ADCY5: variants seen among roughly 807,000 people sequenced by gnomAD.
ADCY5 encodes adenylate cyclase type 5.
Under a neutral mutation model 119.7 loss-of-function variants are expected in ADCY5, and 30 were observed. The ratio of observed to expected loss-of-function variants is 0.25; its 90% CI spans 0.19 to 0.34. The LOEUF (loss-of-function observed/expected upper bound fraction) is 0.34. ADCY5 is among the 10% of genes least tolerant of loss of function. ADCY5 has a pLI of 1.00. For missense variants in ADCY5, 1,324 were observed against 1,775.2 expected (o/e 0.75, Z 4.57); for synonymous variants, 753 against 762.2 (o/e 0.99, Z 0.20).
intron 1 of ADCY5, among the ~76,000 whole-genome samples, chr3:123,396,775 A>AGGC (rs1944593763): frequency 7.0e-5 from 5 of 71,056 alleles, no homozygotes; most frequent in African/African-American, 2.1e-4. Context: ...GGAAGGAAGG[A>AGGC]AGGAAGGCAG....
At position 123,300,155 on chromosome 3, in the gene ADCY5, G is replaced by A. The variant is rs201724658; in HGVS notation, c.2865C>T (p.Phe955=). 5.3e-5 allele frequency: 85 copies of A among 1,613,904 alleles called. 1 individual carries two copies. The East Asian group carries it at 9.6e-4, about 18-fold the overall frequency. The change falls in exon 15 of 21, where the codon TTC becomes TTT. Residue 955 remains phenylalanine, a synonymous_variant. Transcript: ENST00000462833. ...LIVEVPGVTL[F]DNADLLVTAN... is the part of the protein sequence containing the mutation. The stretch of plus-strand genomic sequence containing the variant: ...CGGTGACCAGCAGGTCGGCGTTGTC[G>A]AAGAGCGTGACACCTGGCACCTCCA...
chr3:123,284,887 C>T (rs1019964748), intron 20 of ADCY5, 151 bp from the exon 21 acceptor site: 1 of 1,045,336 alleles, frequency 9.6e-7, no homozygotes, highest in Non-Finnish European at 1.4e-6. Context: ...CTCTCAGGGA[C>T]TGACAGACAG....
chr3:123,297,699 A>G (rs982734206), intron 15 of ADCY5, among the ~76,000 whole-genome samples: 1 of 152,176 alleles, frequency 6.6e-6, no homozygotes, highest in Non-Finnish European at 1.5e-5. Flanking sequence ...GCTGCCATCC[A>G]GAGGGCGTGG....
intron 1 of ADCY5, among the ~76,000 whole-genome samples, chr3:123,371,837 C>G (rs1233868832): frequency 6.6e-6 from 1 of 152,258 alleles, no homozygotes; most frequent in Non-Finnish European, 1.5e-5. Context: ...AAAAGGTGCC[C>G]CAGGGCCTCC....
In ADCY5 at chr3:123,442,061, T is replaced by C. The variant is rs146328144; in HGVS notation, c.1134+5351A>G. On this transcript the variant is annotated intron_variant, in intron 1 of 20. Transcript: ENST00000462833. Reference sequence around the variant, plus strand: ...GAATGAATACTGATCCTGCCTTCCATGAGCCAGCTACCCTCATCTGATAAG... The same window carrying C: ...GAATGAATACTGATCCTGCCTTCCACGAGCCAGCTACCCTCATCTGATAAG... Among the ~76,000 whole-genome samples, 357 of 151,648 alleles carry C rather than the reference T, an allele frequency of 2.4e-3. 2 individuals are homozygous for C. In the East Asian group the frequency reaches 0.025, roughly 11 times the overall value.
At chr3:123,296,952 C>T (rs752736053) in intron 16 of ADCY5, 92 of 1,528,592 alleles carry the variant, frequency 6.0e-5, no homozygotes, top group Non-Finnish European at 7.6e-5. Flanking sequence ...AATGCAGGGA[C>T]GGGTCCCACA....
intron 1 of ADCY5, among the ~76,000 whole-genome samples, chr3:123,411,725 TGGTGACCAG>T (rs1945053847): frequency 6.6e-6 from 1 of 152,202 alleles, no homozygotes; most frequent in African/African-American, 2.4e-5. Flanking sequence ...CCTCACAGCC[TGGTGACCAG>T]GGTGGCCCTG....
chr3:123,333,537 G>A (rs1266986189), intron 3 of ADCY5, among the ~76,000 whole-genome samples: 2 of 152,238 alleles, frequency 1.3e-5, no homozygotes, highest in African/African-American at 2.4e-5. Context: ...GGCCGAGGAC[G>A]CTGCCTCTTT....
rs1436738201 is a variant in ADCY5, at chr3:123,282,669, A to T, written c.*1939T>A. 6.6e-6 allele frequency: 1 copy of T among 152,424 alleles called. No individual in the cohort carries two copies. The highest frequency in any genetic ancestry group is 1.5e-5 in the Non-Finnish European group (1 of 68,140). 9.4% of individuals were successfully genotyped at this position (152,424 alleles called of 1,614,324 possible). On this transcript the variant is annotated 3_prime_UTR_variant, in exon 21 of 21. Coordinates refer to ENST00000462833, the MANE Select transcript of ADCY5 (RefSeq NM_183357.3). Reference sequence around the variant, plus strand: ...GCCGACGTCAGGATGGCAATGCAGAACTCAAAGGATGGAGCAGCAGAAGCA... The same window carrying T: ...GCCGACGTCAGGATGGCAATGCAGATCTCAAAGGATGGAGCAGCAGAAGCA...
intron 12 of ADCY5, among the ~76,000 whole-genome samples, chr3:123,311,299 G>A (rs1940561678): frequency 6.6e-6 from 1 of 152,232 alleles, no homozygotes; most frequent in Non-Finnish European, 1.5e-5. Flanking sequence ...AGTCAGCTTT[G>A]TGACAGCACC....
In ADCY5 at chr3:123,396,477, AAGAG is replaced by A. The variant is rs1188525272; in HGVS notation, c.1135-43900_1135-43897del. Among the ~76,000 whole-genome samples, 129 of 142,638 alleles carry A rather than the reference AAGAG, an allele frequency of 9.0e-4. 2 individuals carry two copies. Among genetic ancestry groups the A allele is most frequent in the African/African-American group, 3.1e-3 (119 of 38,590 alleles). The allele number at this position is 142,638 out of a possible 152,430, so 93.6% of individuals were successfully genotyped here. ...AGGGAAGGAGACAAAGAAAGAAAGAAAGAGAGAGAGGGAAAGAGGGAAAATAAGA... is the reference window on the plus strand; with the variant it reads ...AGGGAAGGAGACAAAGAAAGAAAGAAAGAGAGGGAAAGAGGGAAAATAAGA... On this transcript the variant is annotated intron_variant, in intron 1 of 20. Coordinates refer to ENST00000462833, the MANE Select transcript of ADCY5 (RefSeq NM_183357.3).
Position 123,408,349 on chromosome 3 carries a change from T to TG in ADCY5, c.1134+39062_1134+39063insC, listed in dbSNP as rs1203796012. On this transcript the variant is annotated intron_variant, in intron 1 of 20. Transcript: ENST00000462833. ...CATACAAATGTTACGTTTTTTGTTT[T>TG]TTTTTTTTTTTTTAAAGGCAGACGT... Among the ~76,000 whole-genome samples, 136 of 151,604 alleles carry TG rather than the reference T, an allele frequency of 9.0e-4. 1 individual carries two copies. The highest frequency in any genetic ancestry group is 3.2e-3 in the African/African-American group (131 of 41,278).
chr3:123,291,412 A>C (rs556111074), intron 17 of ADCY5, 36 bp from the exon 18 acceptor site: 2 of 1,586,236 alleles, frequency 1.3e-6, no homozygotes, highest in Non-Finnish European at 8.6e-7. Context: ...CCAGATGCCA[A>C]TGTGAGCCCA....
chr3:123,303,492 G>C (rs1939980353), intron 13 of ADCY5, among the ~76,000 whole-genome samples: 1 of 152,134 alleles, frequency 6.6e-6, no homozygotes, highest in African/African-American at 2.4e-5. Context: ...CACCAGGCTT[G>C]AGAATGAAGA....
In ADCY5 at chr3:123,286,796, G is replaced by A; in HGVS notation, c.3546C>T (p.Gly1182=). 6.8e-6 allele frequency: 11 copies of A among 1,607,702 alleles called. No individual in the cohort carries two copies. Among genetic ancestry groups the A allele is most frequent in the Non-Finnish European group, 9.3e-6 (11 of 1,177,092 alleles). ...CCCCTATCACCCCGGCCACCACGGG[G>A]CCGATGTTGAGCCCTGCAGGGGACA... is the stretch of plus-strand genomic sequence containing the variant. The part of the protein sequence containing the change: ...NFQMKIGLNI[G]PVVAGVIGAR... The change falls in exon 20 of 21, where the codon GGC becomes GGT. Residue 1182 remains glycine, a synonymous_variant. Coordinates refer to ENST00000462833, the MANE Select transcript of ADCY5 (RefSeq NM_183357.3). This position sits in a 1 kb window ranked among gnomAD's most constrained non-coding sequence, Gnocchi z 4.2.
chr3:123,392,753 T>G lies in ADCY5; in HGVS notation c.1135-40172A>C, dbSNP rs1944432204. On this transcript the variant is annotated intron_variant, in intron 1 of 20. Transcript: ENST00000462833. ...CTCTGTCTCCCTCTCCCTCTCTCTC[T>G]CTCCCTCCACCACCACCTCCCTCTC... is the stretch of plus-strand genomic sequence containing the variant. Among the ~76,000 whole-genome samples the G allele has an allele frequency of 2.0e-5, 3 of 152,046 alleles. No homozygotes were observed. The South Asian group carries it at 6.2e-4, about 32-fold the overall frequency.
intron 1 of ADCY5, among the ~76,000 whole-genome samples, chr3:123,396,850 A>G (rs887045223): frequency 2.0e-5 from 2 of 98,410 alleles, no homozygotes; most frequent in African/African-American, 4.2e-5. Context: ...GAGACAGAGA[A>G]CCCATATCCA....
At chr3:123,295,052 G>T (rs1169868612) in intron 17 of ADCY5, among the ~76,000 whole-genome samples, 1 of 152,182 alleles carries the variant, frequency 6.6e-6, no homozygotes, top group Non-Finnish European at 1.5e-5. Context: ...ATTCTCCCTG[G>T]TTTCCCCAAA....
chr3:123,426,244 A>C (rs1559874921), intron 1 of ADCY5, among the ~76,000 whole-genome samples: 1 of 151,510 alleles, frequency 6.6e-6, no homozygotes, highest in East Asian at 1.9e-4. Flanking sequence ...GAACAGGATG[A>C]AGTTCCTACC....
Sources: gnomAD v4.1 joint callset for allele counts (sites outside exome capture counted in the v4.1 genomes callset) on GRCh38, gnomAD v4.1.1 for gene constraint, Gnocchi (gnomAD v3.1) non-coding constraint, MANE v1.5 for transcripts, NCBI Gene and HGNC (gene_info 2026-07-23, HGNC 2026-07-21) for gene names.